PDE1A: variants seen among roughly 807,000 people sequenced by gnomAD.
PDE1A encodes dual specificity calcium/calmodulin-dependent 3',5'-cyclic nucleotide phosphodiesterase 1A.
In PDE1A, 35 loss-of-function variants were observed where a neutral mutation model predicts 61.7. The observed-to-expected ratio is 0.57, with a 90% CI of 0.43 to 0.75. The LOEUF is 0.75. Ranked by LOEUF, PDE1A falls within the 30% of genes least tolerant of loss-of-function variation. PDE1A has a pLI of 0.00. For synonymous variants in PDE1A, 232 were observed against 213.2 expected (o/e 1.09, Z -0.77); for missense variants, 597 against 630.6 (o/e 0.95, Z 0.57).
intron 10 of PDE1A, among the ~76,000 whole-genome samples, chr2:182,194,756 G>A (rs1247916890): frequency 1.3e-5 from 2 of 151,848 alleles, no homozygotes; most frequent in Non-Finnish European, 2.9e-5. Context: ...GAAATATACA[G>A]CATTTAAAAA....
At chr2:182,388,327 T>C (rs1701235364) in intron 1 of PDE1A, among the ~76,000 whole-genome samples, 1 of 152,104 alleles carries the variant, frequency 6.6e-6, no homozygotes, top group Non-Finnish European at 1.5e-5. Context: ...AATCTAGGCA[T>C]AACAGATATA....
intron 2 of PDE1A, among the ~76,000 whole-genome samples, chr2:182,257,159 C>T (rs1051745335): frequency 2.0e-5 from 3 of 152,156 alleles, no homozygotes; most frequent in African/African-American, 7.2e-5. Flanking sequence ...TTTGGTAGCT[C>T]CATGCCTTGC....
chr2:182,144,086 ATTT>A (rs1218312098), downstream of PDE1A, among the ~76,000 whole-genome samples: 1 of 152,228 alleles, frequency 6.6e-6, no homozygotes, highest in African/African-American at 2.4e-5. Context: ...TCCAAAAGAT[ATTT>A]TAAATCAGTG....
rs372553565 is a variant in PDE1A at position 182,194,014 on chromosome 2, A to G, written c.1126-4954T>C. ...TTTATACTACTTCTAGCAACATTTA[A>G]AAATAGAGAGGCCTGACTGTATACA... On this transcript the variant is annotated intron_variant, in intron 10 of 13. Coordinates refer to ENST00000351439, the Ensembl canonical transcript of PDE1A. Among the ~76,000 whole-genome samples the G allele has an allele frequency of 2.0e-5, 3 of 152,276 alleles. No individual in the cohort carries two copies. In the South Asian group the frequency reaches 6.2e-4, roughly 32 times the overall value.
the PDE1A span, among the ~76,000 whole-genome samples, chr2:182,680,383 G>T: frequency 1.2e-3 from 175 of 151,800 alleles, 2 homozygotes; most frequent in African/African-American, 4.1e-3. Context: ...GCTAATTTTT[G>T]TTTTTTTTGT....
At chr2:182,221,643 C>CTGTT (rs1307035921) in intron 7 of PDE1A, among the ~76,000 whole-genome samples, 5 of 152,026 alleles carry the variant, frequency 3.3e-5, no homozygotes, top group African/African-American at 9.7e-5. Context: ...CAACACTTCA[C>CTGTT]TGTTTGAATT....
chr2:182,627,416 TATATTATATTTAA>T, the PDE1A span, among the ~76,000 whole-genome samples: 1 of 102,380 alleles, frequency 9.8e-6, no homozygotes, highest in Non-Finnish European at 1.9e-5. Flanking sequence ...AATATAAATA[TATATTATATTTAA>T]ATATATATAT....
the PDE1A span, among the ~76,000 whole-genome samples, chr2:182,682,994 G>C: frequency 6.6e-6 from 1 of 151,976 alleles, no homozygotes; most frequent in African/African-American, 2.4e-5. Context: ...ACATAAAATT[G>C]TGCATAAGAA....
intron 1 of PDE1A, among the ~76,000 whole-genome samples, chr2:182,337,766 CT>C (rs913765851): frequency 6.6e-6 from 1 of 151,992 alleles, no homozygotes; most frequent in African/African-American, 2.4e-5. Context: ...ATGTTGTTAC[CT>C]TTTTGACAAA....
chr2:182,471,545 C>T (rs774808338), intron 2 of PDE1A, among the ~76,000 whole-genome samples: 1 of 151,614 alleles, frequency 6.6e-6, no homozygotes, highest in African/African-American at 2.4e-5. Flanking sequence ...CAAGATATAC[C>T]AACCCAATTC....
chr2:182,599,762 T>C, the PDE1A span, among the ~76,000 whole-genome samples: 1 of 152,234 alleles, frequency 6.6e-6, no homozygotes, highest in Non-Finnish European at 1.5e-5. Flanking sequence ...GGATGGCCCA[T>C]CTTTTATCAG....
chr2:182,288,521 C>A (rs1694315137), intron 1 of PDE1A, among the ~76,000 whole-genome samples: 1 of 152,088 alleles, frequency 6.6e-6, no homozygotes, highest in Non-Finnish European at 1.5e-5. Context: ...TAAGGCATAG[C>A]AGATTCTGGC....
intron 1 of PDE1A, among the ~76,000 whole-genome samples, chr2:182,377,102 T>C (rs943483212): frequency 6.6e-6 from 1 of 152,062 alleles, no homozygotes; most frequent in Non-Finnish European, 1.5e-5. Flanking sequence ...GGTAAAAAAA[T>C]TATGAAAATG....
the PDE1A span, among the ~76,000 whole-genome samples, chr2:182,590,102 T>C: frequency 1.3e-5 from 2 of 151,812 alleles, no homozygotes; most frequent in African/African-American, 4.8e-5. Context: ...TGCTAGATTC[T>C]TTAGTAAGTA....
chr2:182,665,349 A>G, the PDE1A span, among the ~76,000 whole-genome samples: 1 of 152,210 alleles, frequency 6.6e-6, no homozygotes, highest in African/African-American at 2.4e-5. Flanking sequence ...CAGAAGCTAC[A>G]AGGAATTTAA....
downstream of PDE1A, among the ~76,000 whole-genome samples, chr2:182,165,154 G>C (rs765051096): frequency 1.3e-5 from 2 of 152,126 alleles, no homozygotes; most frequent in African/African-American, 4.8e-5. Context: ...CCATAGCCAG[G>C]AGTCATAGGT....
chr2:182,176,216 G>A (rs1414679864), intron 13 of PDE1A, among the ~76,000 whole-genome samples: 1 of 148,094 alleles, frequency 6.8e-6, no homozygotes. Context: ...TTCCAATTCT[G>A]TGAAGAAAGT....
intron 10 of PDE1A, among the ~76,000 whole-genome samples, chr2:182,193,830 C>T (rs562068672): frequency 6.6e-6 from 1 of 152,024 alleles, no homozygotes; most frequent in Non-Finnish European, 1.5e-5. Context: ...TACTTTTTTA[C>T]ATTTAAAGTT....
At chr2:182,600,869 A>G in the PDE1A span, among the ~76,000 whole-genome samples, 1 of 152,224 alleles carries the variant, frequency 6.6e-6, no homozygotes, top group Non-Finnish European at 1.5e-5. Context: ...TCCTTGATCA[A>G]TGGCAAATCT....
Sources: gnomAD v4.1 joint callset for allele counts (sites outside exome capture counted in the v4.1 genomes callset) on GRCh38, gnomAD v4.1.1 for gene constraint, MANE v1.5 for transcripts, NCBI Gene and HGNC (gene_info 2026-07-23, HGNC 2026-07-21) for gene names.